HEATR1: variants seen among roughly 807,000 people sequenced by gnomAD.
HEATR1 encodes the protein HEAT repeat containing 1.
In HEATR1, 77 loss-of-function variants were observed where a neutral mutation model predicts 248.2. The observed-to-expected ratio is 0.31, with a 90% CI of 0.26 to 0.37. HEATR1 has a LOEUF of 0.37. Among genes scored for constraint, HEATR1 ranks in the 10% least tolerant of loss-of-function variants. HEATR1 has a pLI of 1.00. For synonymous variants in HEATR1, 897 were observed against 923.1 expected (o/e 0.97, Z 0.51); for missense variants, 2,420 against 2,504.9 (o/e 0.97, Z 0.72).
intron 32 of HEATR1, 75 bp downstream of exon 32, chr1:236,564,423 A>C: frequency 7.7e-7 from 1 of 1,302,774 alleles, no homozygotes; most frequent in South Asian, 1.4e-5. Flanking sequence ...TTACCAAGCT[A>C]CTTCTACTGG....
chr1:236,590,853 T>C lies in HEATR1; in HGVS notation c.1524A>G (p.Thr508=), dbSNP rs1316200421. Residue 508 remains threonine (T), a synonymous_variant, in exon 12 of 45, where the codon ACA becomes ACG. Transcript: ENST00000366582. The part of the protein sequence containing the change: ...AMNHLKKIMK[T]SKEGVDESFI... Reference sequence around the variant, plus strand: ...AAAGCGATCTGAAACAAACCTTTGATGTTTTCATGATCTTTTTCAAATGAT... The same window carrying C: ...AAAGCGATCTGAAACAAACCTTTGACGTTTTCATGATCTTTTTCAAATGAT... 1 of 1,465,942 alleles carries C rather than the reference T, an allele frequency of 6.8e-7. No individual in the cohort carries two copies. The highest frequency in any genetic ancestry group is 1.5e-5 in the South Asian group (1 of 67,288). 90.8% of individuals were successfully genotyped at this position (1,465,942 alleles called of 1,614,324 possible).
In HEATR1 at chr1:236,551,106, T is replaced by C. The variant is rs1242571547; in HGVS notation, c.6347-116A>G. ...TCCGGCAATCATTCAATCAAAAGAGTGAAATGAAGCACATTAACAAAGCAG... is the reference window on the plus strand; with the variant it reads ...TCCGGCAATCATTCAATCAAAAGAGCGAAATGAAGCACATTAACAAAGCAG... On this transcript the variant is annotated intron_variant, in intron 44 of 44. Transcript: ENST00000366582. 5 of 800,662 alleles carry C rather than the reference T, an allele frequency of 6.2e-6. No homozygotes were observed. In the African/African-American group the frequency reaches 8.8e-5, roughly 14 times the overall value. The allele number at this position is 800,662 out of a possible 1,614,324, so 49.6% of individuals were successfully genotyped here.
chr1:236,558,621 G>A, intron 35 of HEATR1, 92 bp from the exon 36 acceptor site: 1 of 1,290,556 alleles, frequency 7.7e-7, no homozygotes, highest in Non-Finnish European at 1.1e-6. Context: ...TGTCTAAATG[G>A]AAATCAGACT....
chr1:236,552,188 A>T, intron 43 of HEATR1, 81 bp from the exon 44 acceptor site: 1 of 889,732 alleles, frequency 1.1e-6, no homozygotes, highest in South Asian at 1.5e-5. Context: ...ACTTGAGACA[A>T]GCTCTAACTT....
chr1:236,598,759 G>A (rs1053990061), intron 4 of HEATR1, among the ~76,000 whole-genome samples: 1 of 152,090 alleles, frequency 6.6e-6, no homozygotes, highest in African/African-American at 2.4e-5. Flanking sequence ...ACAGCCTCGT[G>A]ATCTGTTAGC....
rs760233592 is a variant in HEATR1, at chr1:236,592,099, G to A, written c.1316C>T (p.Thr439Ile). The A allele has an allele frequency of 1.3e-6, 2 of 1,556,024 alleles. No homozygotes were observed. The highest frequency in any genetic ancestry group is 4.5e-5 in the East Asian group (2 of 44,274). Residue 439 changes from threonine (T) to isoleucine (I), a missense_variant, in exon 11 of 45, where the codon ACA becomes ATA. Physicochemically the swap from Thr to Ile is moderately conservative, Grantham distance 89. Coordinates refer to ENST00000366582, the MANE Select transcript of HEATR1 (RefSeq NM_018072.6). ...IRLLESKYPR[T>I]LDVVLEEHLK... Reference sequence around the variant, plus strand: ...GTGTTCCTCTAATACAACATCTAATGTTCTGGGGTATCTGGGAAGCAATTA... The same window carrying A: ...GTGTTCCTCTAATACAACATCTAATATTCTGGGGTATCTGGGAAGCAATTA...
At chr1:236,560,618 T>C (rs568610939) in intron 33 of HEATR1, among the ~76,000 whole-genome samples, 19 of 152,188 alleles carry the variant, frequency 1.2e-4, no homozygotes, top group African/African-American at 4.6e-4. Context: ...CACTTTCCAG[T>C]GGAAGGGGCA....
rs1367696645 is a variant in HEATR1 at position 236,550,682 on chromosome 1, G to A, written c.*220C>T. On this transcript the variant is annotated 3_prime_UTR_variant, in exon 45 of 45. Transcript: ENST00000366582. ...ACAGCAGTCTGTATAAAAATACCGT[G>A]TATCATTTACTCTTTCTGCAGCTCT... The A allele has an allele frequency of 2.2e-5, 10 of 460,272 alleles. No homozygotes were observed. In the Admixed American group the frequency reaches 2.3e-4, roughly 11 times the overall value. 28.5% of individuals were successfully genotyped at this position (460,272 alleles called of 1,614,324 possible). A position where few individuals can be genotyped will look rare whatever the true frequency, so the allele number is the denominator to read the frequency against.
chr1:236,571,453 C>A lies in HEATR1; in HGVS notation c.3846G>T (p.Lys1282Asn), dbSNP rs201415717. Residue 1282 changes from lysine to asparagine, a missense_variant, in exon 28 of 45, where the codon AAG becomes AAT. Coordinates refer to ENST00000366582, the MANE Select transcript of HEATR1 (RefSeq NM_018072.6). ...KIPKDILDEEKFNVELIVQCI... is the reference protein window; with the variant it reads ...KIPKDILDEENFNVELIVQCI... ...ACTGAACTATCAACTCCACGTTGAA[C>A]TTCTCCTCATCTAAAATATCTACAA... 104 of 1,614,016 alleles carry A rather than the reference C, an allele frequency of 6.4e-5. No homozygotes were observed. In the East Asian group the frequency reaches 2.3e-3, roughly 35 times the overall value.
At chr1:236,558,185 T>G in intron 36 of HEATR1, 52 bp downstream of exon 36, 5 of 1,525,856 alleles carry the variant, frequency 3.3e-6, no homozygotes, top group Non-Finnish European at 4.4e-6. Context: ...GTGTTATTTT[T>G]CAATGTGTGC....
chr1:236,571,055 T>C (rs954248213), intron 28 of HEATR1, among the ~76,000 whole-genome samples: 3 of 152,222 alleles, frequency 2.0e-5, no homozygotes, highest in South Asian at 2.1e-4. Context: ...TTTTATTAGA[T>C]AGATAGTGTG....
At chr1:236,554,200 T>C (rs939016260) in intron 42 of HEATR1, among the ~76,000 whole-genome samples, 3 of 152,208 alleles carry the variant, frequency 2.0e-5, no homozygotes, top group Non-Finnish European at 4.4e-5. Context: ...GAGACCAGCC[T>C]GGCCAACATG....
chr1:236,572,695 G>A, intron 25 of HEATR1, 30 bp downstream of exon 25: 4 of 1,602,042 alleles, frequency 2.5e-6, no homozygotes, highest in Non-Finnish European at 3.4e-6. Context: ...GGGAACAACA[G>A]CATGTGCTCA....
At chr1:236,590,416 T>G (rs1664001170) in intron 12 of HEATR1, among the ~76,000 whole-genome samples, 1 of 152,022 alleles carries the variant, frequency 6.6e-6, no homozygotes, top group African/African-American at 2.4e-5. Flanking sequence ...TGAACTTTTT[T>G]ATAGAGAAGG....
chr1:236,593,584 G>GAAA lies in HEATR1; in HGVS notation c.1193+425_1193+427dup, dbSNP rs534009257. Among the ~76,000 whole-genome samples, 215 of 90,782 alleles carry GAAA rather than the reference G, an allele frequency of 2.4e-3. 1 individual carries two copies. Among genetic ancestry groups the GAAA allele is most frequent in the African/African-American group, 5.8e-3 (143 of 24,566 alleles). The allele number at this position is 90,782 out of a possible 152,430, so 59.6% of individuals were successfully genotyped here. A position where few individuals can be genotyped will look rare whatever the true frequency, so the allele number is the denominator to read the frequency against. ...CACTGTATCGAGTTGCCCATTAAGA[G>GAAA]AAAAAAAAAAAAAAAAAAAAAAAGA... On this transcript the variant is annotated intron_variant, in intron 9 of 44. Transcript: ENST00000366582.
chr1:236,591,339 C>T (rs1281893940), intron 11 of HEATR1, among the ~76,000 whole-genome samples: 1 of 152,054 alleles, frequency 6.6e-6, no homozygotes, highest in Admixed American at 6.6e-5. Context: ...CACTCAAATT[C>T]GTGACAACTT....
intron 28 of HEATR1, among the ~76,000 whole-genome samples, chr1:236,570,859 T>G (rs945105167): frequency 6.6e-6 from 1 of 152,190 alleles, no homozygotes; most frequent in Non-Finnish European, 1.5e-5. Context: ...ATCCTCAATA[T>G]GAAAATAGCT....
chr1:236,555,621 C>T lies in HEATR1; in HGVS notation c.5684G>A (p.Cys1895Tyr), dbSNP rs747794433. 6.2e-7 allele frequency: 1 copy of T among 1,614,206 alleles called. No individual in the cohort carries two copies. Among genetic ancestry groups the T allele is most frequent in the South Asian group, 1.1e-5 (1 of 91,078 alleles). ...CATGGCTACTAGACAGTCAATGATA[C>T]AATTTTCCGTTTTTCCAACTTCCTC... ...DLEEVGKTENCIIDCLVAMVV... is the reference protein window; with the variant it reads ...DLEEVGKTENYIIDCLVAMVV... The change falls in exon 40 of 45, where the codon TGT (cysteine) becomes TAT (tyrosine). Residue 1895 changes from cysteine (C) to tyrosine (Y), a missense_variant. Physicochemically the swap from Cys to Tyr is radical, Grantham distance 194. Coordinates refer to ENST00000366582, the MANE Select transcript of HEATR1 (RefSeq NM_018072.6).
chr1:236,592,764 T>C, intron 9 of HEATR1, 131 bp from the exon 10 acceptor site: 2 of 488,322 alleles, frequency 4.1e-6, no homozygotes, highest in Non-Finnish European at 7.4e-6. Flanking sequence ...TTAATACTTA[T>C]TTTACAGATA....
Sources: allele counts gnomAD v4.1 joint callset (sites outside exome capture counted in the v4.1 genomes callset), GRCh38; gene constraint gnomAD v4.1.1; transcripts MANE v1.5; gene names NCBI Gene and HGNC (gene_info 2026-07-23, HGNC 2026-07-21).